KAZN: variants seen among roughly 807,000 people sequenced by gnomAD.
KAZN encodes kazrin.
Under a neutral mutation model 87.4 loss-of-function variants are expected in KAZN, and 40 were observed. The ratio of observed to expected loss-of-function variants is 0.46; its 90% CI spans 0.36 to 0.60. KAZN has a LOEUF of 0.60. KAZN is among the 20% of genes least tolerant of loss of function. The pLI, the probability that KAZN is intolerant of heterozygous loss-of-function variation, is 0.00. For missense variants in KAZN, 898 were observed against 1,073.9 expected (o/e 0.84, Z 2.29); for synonymous variants, 466 against 458.3 (o/e 1.02, Z -0.22).
At chr1:14,532,402 AG>A (rs1169748812) in intron 2 of KAZN, among the ~76,000 whole-genome samples, 3 of 152,058 alleles carry the variant, frequency 2.0e-5, no homozygotes, top group Non-Finnish European at 4.4e-5. Flanking sequence ...TTACTTCCAA[AG>A]GGCAATGATT....
intron 2 of KAZN, among the ~76,000 whole-genome samples, chr1:14,569,440 A>G (rs998054749): frequency 1.4e-5 from 2 of 147,410 alleles, no homozygotes; most frequent in African/African-American, 2.5e-5. Context: ...CTCCTGCCTC[A>G]GCCTCCCGAG....
At chr1:13,953,901 A>G (rs2101004101) in intron 1 of KAZN, among the ~76,000 whole-genome samples, 1 of 152,338 alleles carries the variant, frequency 6.6e-6, no homozygotes, top group Middle Eastern at 3.4e-3. Flanking sequence ...CAAAATTTCT[A>G]AAGTTGAAAT....
chr1:14,329,862 G>C (rs1571317196), intron 2 of KAZN, among the ~76,000 whole-genome samples: 1 of 152,188 alleles, frequency 6.6e-6, no homozygotes, highest in Non-Finnish European at 1.5e-5. Flanking sequence ...CCCCCTACCT[G>C]TTTTCTTCAC....
intron 6 of KAZN, chr1:15,062,882 G>C (rs972476668): frequency 6.6e-6 from 1 of 152,212 alleles, no homozygotes; most frequent in Admixed American, 6.5e-5. Context: ...CTAGGAAAAA[G>C]GGAAGGAGTT....
At chr1:14,182,588 G>C (rs1388167766) in intron 2 of KAZN, among the ~76,000 whole-genome samples, 3 of 152,194 alleles carry the variant, frequency 2.0e-5, no homozygotes, top group Admixed American at 6.5e-5. Flanking sequence ...TCTCAGATGA[G>C]TGTTGCCAAG....
chr1:14,515,708 A>C (rs1173313970), intron 2 of KAZN, among the ~76,000 whole-genome samples: 1 of 152,130 alleles, frequency 6.6e-6, no homozygotes, highest in African/African-American at 2.4e-5. Flanking sequence ...CTCAAGTCTT[A>C]GCCACTACCA....
intron 1 of KAZN, among the ~76,000 whole-genome samples, chr1:14,947,472 C>G (rs947827861): frequency 5.3e-5 from 8 of 152,220 alleles, no homozygotes; most frequent in African/African-American, 1.9e-4. Flanking sequence ...TCATCTGAAG[C>G]TCAAAGACCC....
At chr1:14,206,322 CTTA>C (rs1305563948) in intron 2 of KAZN, among the ~76,000 whole-genome samples, 2 of 152,080 alleles carry the variant, frequency 1.3e-5, no homozygotes, top group African/African-American at 2.4e-5. Flanking sequence ...AATAATTGTA[CTTA>C]TATTTCACCT....
chr1:14,025,100 T>G (rs1157625106), intron 1 of KAZN, among the ~76,000 whole-genome samples: 1 of 152,116 alleles, frequency 6.6e-6, no homozygotes, highest in Non-Finnish European at 1.5e-5. Context: ...CCTCCCAGAG[T>G]TCCAAACAGA....
chr1:13,895,030 G>A (rs546174700), intron 1 of KAZN, among the ~76,000 whole-genome samples: 12 of 152,260 alleles, frequency 7.9e-5, no homozygotes, highest in Non-Finnish European at 7.4e-5. Flanking sequence ...TTTGTAAAAC[G>A]GTGCTACTAG....
intron 1 of KAZN, among the ~76,000 whole-genome samples, chr1:14,806,021 G>T (rs1646208048): frequency 6.6e-6 from 1 of 152,162 alleles, no homozygotes; most frequent in South Asian, 2.1e-4. Flanking sequence ...CCTCTTAGGA[G>T]GAACAGGCAA....
chr1:14,061,948 G>C (rs1642811335), intron 1 of KAZN, among the ~76,000 whole-genome samples: 1 of 152,174 alleles, frequency 6.6e-6, no homozygotes, highest in Non-Finnish European at 1.5e-5. Flanking sequence ...TAACTTAGGG[G>C]AGAAAAATGT....
intron 2 of KAZN, among the ~76,000 whole-genome samples, chr1:14,579,493 C>T (rs182106554): frequency 4.0e-4 from 61 of 152,040 alleles, no homozygotes; most frequent in Admixed American, 9.8e-4. Context: ...GGCGTGGTGG[C>T]GGGCGCCTGT....
At chr1:14,945,574 C>G (rs1039221951) in intron 1 of KAZN, among the ~76,000 whole-genome samples, 1 of 152,232 alleles carries the variant, frequency 6.6e-6, no homozygotes, top group Non-Finnish European at 1.5e-5. Flanking sequence ...CTCCCCGGCC[C>G]GGCTCCAGCT....
At chr1:14,374,787 G>A (rs1660769271) in intron 2 of KAZN, among the ~76,000 whole-genome samples, 1 of 152,072 alleles carries the variant, frequency 6.6e-6, no homozygotes, top group Admixed American at 6.5e-5. Flanking sequence ...CACGCTCCCT[G>A]TACTGCAGGA....
chr1:13,965,182 G>T (rs1436021350), intron 1 of KAZN, among the ~76,000 whole-genome samples: 1 of 152,118 alleles, frequency 6.6e-6, no homozygotes, highest in African/African-American at 2.4e-5. Flanking sequence ...TGGGCAGGAG[G>T]TCAGGATCTA....
intron 2 of KAZN, among the ~76,000 whole-genome samples, chr1:14,419,199 G>T (rs1370033636): frequency 6.6e-6 from 1 of 152,212 alleles, no homozygotes; most frequent in Non-Finnish European, 1.5e-5. Context: ...TCTTTGCAGT[G>T]ACGCTGTGAG....
intron 2 of KAZN, among the ~76,000 whole-genome samples, chr1:14,401,123 G>A (rs1289444301): frequency 1.3e-5 from 2 of 152,118 alleles, no homozygotes; most frequent in Non-Finnish European, 2.9e-5. Flanking sequence ...GGGCAGAAGA[G>A]GAATCAAATA....
At chr1:14,346,567 G>A (rs1445500078) in intron 2 of KAZN, among the ~76,000 whole-genome samples, 1 of 152,018 alleles carries the variant, frequency 6.6e-6, no homozygotes, top group East Asian at 1.9e-4. Context: ...TTCTTCCTTG[G>A]GTTGAATTTT....
Sources: gnomAD v4.1 joint callset for allele counts (sites outside exome capture counted in the v4.1 genomes callset) on GRCh38, gnomAD v4.1.1 for gene constraint, MANE v1.5 for transcripts, NCBI Gene and HGNC (gene_info 2026-07-23, HGNC 2026-07-21) for gene names.